The following NCKAP5 variants were observed in gnomAD, a reference collection of about 807,000 sequenced individuals.
The protein encoded by NCKAP5 is NCK associated protein 5.
In NCKAP5, 92 loss-of-function variants were observed where a neutral mutation model predicts 167.0. The ratio of observed to expected loss-of-function variants is 0.55; its 90% confidence interval spans 0.47 to 0.66. NCKAP5 has a LOEUF of 0.66. Among genes scored for constraint, NCKAP5 ranks in the 30% least tolerant of loss-of-function variants. The pLI is 0.00. For missense variants in NCKAP5, 2,378 were observed against 2,315.0 expected, an observed-to-expected ratio of 1.03 and a Z score of -0.56; for synonymous variants, 891 against 877.4, an observed-to-expected ratio of 1.02 and a Z score of -0.27.
At chr2:132,773,133 ACTT>A (rs1411289406) in intron 16 of NCKAP5, among the ~76,000 whole-genome samples, 2 of 152,158 alleles carry the variant, frequency 1.3e-5, no homozygotes, top group Admixed American at 6.5e-5. Flanking sequence ...AGGAACAACC[ACTT>A]CTTCAAGTGT....
the NCKAP5 span, among the ~76,000 whole-genome samples, chr2:133,634,980 C>T: frequency 0.23 from 35,656 of 151,728 alleles, 4,419 homozygotes; most frequent in East Asian, 0.32. Flanking sequence ...ACCTATTCTC[C>T]TGCCTCAGCC....
chr2:132,840,600 C>G (rs1688232411), intron 11 of NCKAP5, among the ~76,000 whole-genome samples: 1 of 151,968 alleles, frequency 6.6e-6, no homozygotes, highest in Admixed American at 6.6e-5. Flanking sequence ...TAAGTGGATA[C>G]TAGGAATACT....
At chr2:133,023,302 A>G (rs1240020461) in intron 6 of NCKAP5, among the ~76,000 whole-genome samples, 1 of 152,226 alleles carries the variant, frequency 6.6e-6, no homozygotes, top group East Asian at 1.9e-4. Flanking sequence ...ACTTTTTCAT[A>G]CTGTCTCTTA....
At chr2:132,959,755 G>T (rs1338088248) in intron 8 of NCKAP5, among the ~76,000 whole-genome samples, 2 of 152,314 alleles carry the variant, frequency 1.3e-5, no homozygotes, top group East Asian at 3.9e-4. Context: ...GCAGAAAGGA[G>T]TGATCCTTTC....
intron 3 of NCKAP5, among the ~76,000 whole-genome samples, chr2:133,488,607 AG>A (rs1681131743): frequency 6.6e-6 from 1 of 152,090 alleles, no homozygotes; most frequent in Non-Finnish European, 1.5e-5. Context: ...GCAAGGCAGG[AG>A]GACTGCTCGA....
chr2:132,959,092 T>A (rs1457773386), intron 8 of NCKAP5, among the ~76,000 whole-genome samples: 1 of 137,198 alleles, frequency 7.3e-6, no homozygotes, highest in African/African-American at 3.1e-5. Flanking sequence ...ATAAATATAT[T>A]ATTAATATAT....
the NCKAP5 span, among the ~76,000 whole-genome samples, chr2:133,579,522 T>C: frequency 6.6e-6 from 1 of 152,134 alleles, no homozygotes; most frequent in Non-Finnish European, 1.5e-5. Flanking sequence ...CCACCCTTCT[T>C]TTGCAGGGCA....
At chr2:133,368,537 T>A (rs151010032) in intron 3 of NCKAP5, among the ~76,000 whole-genome samples, 7 of 152,360 alleles carry the variant, frequency 4.6e-5, no homozygotes, top group African/African-American at 1.7e-4. Flanking sequence ...ATTTAGTCCC[T>A]CAGGGACCAA....
intron 2 of NCKAP5, among the ~76,000 whole-genome samples, chr2:133,547,356 C>T (rs927594103): frequency 6.6e-6 from 1 of 152,096 alleles, no homozygotes; most frequent in African/African-American, 2.4e-5. Context: ...CCAGGAAGCT[C>T]GAACTGGGTG....
At chr2:133,539,279 C>T (rs1163429628) in intron 2 of NCKAP5, among the ~76,000 whole-genome samples, 2 of 151,980 alleles carry the variant, frequency 1.3e-5, no homozygotes, top group Non-Finnish European at 2.9e-5. Context: ...TCAAGTAACT[C>T]ATAAAACCTA....
Position 133,406,461 on chromosome 2 carries a change from G to A in NCKAP5, c.70-103351C>T, listed in dbSNP as rs905893525. On this transcript the variant is annotated intron_variant, in intron 3 of 19. Transcript: ENST00000409261. Reference sequence around the variant, plus strand: ...ACACAGGAGAATAGAGAGGGCAAAGGGAAGGGCTTCAGAAAAAGAATCCTC... The same window carrying A: ...ACACAGGAGAATAGAGAGGGCAAAGAGAAGGGCTTCAGAAAAAGAATCCTC... 3.9e-5 allele frequency among the ~76,000 whole-genome samples: 6 copies of A among 152,166 alleles called. No individual in the cohort carries two copies. In the East Asian group the frequency reaches 1.2e-3, roughly 29 times the overall value.
chr2:133,095,649 C>A (rs1482216806), intron 6 of NCKAP5, among the ~76,000 whole-genome samples: 1 of 152,214 alleles, frequency 6.6e-6, no homozygotes, highest in Non-Finnish European at 1.5e-5. Flanking sequence ...GCAACCCAGA[C>A]AACTGTGAGA....
chr2:133,390,651 C>A (rs1207017131), intron 3 of NCKAP5, among the ~76,000 whole-genome samples: 1 of 152,200 alleles, frequency 6.6e-6, no homozygotes, highest in Non-Finnish European at 1.5e-5. Flanking sequence ...CTAATTTCCC[C>A]TAGAGTAGTG....
At chr2:133,446,236 A>T (rs1432472384) in intron 3 of NCKAP5, among the ~76,000 whole-genome samples, 1 of 152,198 alleles carries the variant, frequency 6.6e-6, no homozygotes, top group African/African-American at 2.4e-5. Flanking sequence ...TGAAGGTGAG[A>T]AAAGAATGGA....
At chr2:133,552,644 T>A (rs1159853444) in intron 2 of NCKAP5, among the ~76,000 whole-genome samples, 1 of 140,910 alleles carries the variant, frequency 7.1e-6, no homozygotes, top group African/African-American at 2.7e-5. Context: ...TACCTAATGC[T>A]AGATGACGAG....
intron 3 of NCKAP5, among the ~76,000 whole-genome samples, chr2:133,411,860 C>T (rs1038838864): frequency 6.6e-6 from 1 of 152,142 alleles, no homozygotes; most frequent in African/African-American, 2.4e-5. Context: ...CTTCTCCTTC[C>T]CATGATCCCT....
chr2:132,895,194 G>A (rs1403445845), intron 8 of NCKAP5, among the ~76,000 whole-genome samples: 4 of 151,764 alleles, frequency 2.6e-5, no homozygotes, highest in African/African-American at 9.7e-5. Flanking sequence ...AGCCGGGCGT[G>A]GTGGCGGGCG....
chr2:133,299,626 C>G (rs1006134879), intron 4 of NCKAP5, among the ~76,000 whole-genome samples: 2 of 152,108 alleles, frequency 1.3e-5, no homozygotes, highest in African/African-American at 2.4e-5. Flanking sequence ...CGGAAGGCAC[C>G]TGTAATCCCA....
At chr2:132,994,642 T>G (rs1172445804) in intron 6 of NCKAP5, among the ~76,000 whole-genome samples, 1 of 152,246 alleles carries the variant, frequency 6.6e-6, no homozygotes, top group Non-Finnish European at 1.5e-5. Flanking sequence ...CCCATTAATC[T>G]ACTGTCAGGT....
Sources: allele counts gnomAD v4.1 joint callset (sites outside exome capture counted in the v4.1 genomes callset), GRCh38; gene constraint gnomAD v4.1.1; transcripts MANE v1.5; gene names NCBI Gene and HGNC (gene_info 2026-07-23, HGNC 2026-07-21).